SDK1: variants seen among roughly 807,000 people sequenced by gnomAD.
SDK1 encodes the protein protein sidekick-1.
In SDK1, 157 loss-of-function variants were observed where a neutral mutation model predicts 245.5. The ratio of observed to expected loss-of-function variants is 0.64; its 90% CI spans 0.56 to 0.73. The LOEUF is 0.73. Among genes scored for constraint, SDK1 ranks in the 30% least tolerant of loss-of-function variants. The probability of loss-of-function intolerance (pLI) is 0.00; values close to 1 mark genes in which losing one functional copy is unlikely to be tolerated. For missense variants in SDK1, 3,583 were observed against 3,002.3 expected (o/e 1.19, Z -4.52); for synonymous variants, 1,647 against 1,278.5 (o/e 1.29, Z -6.15).
At chr7:3,586,620 G>T (rs1002401944) in intron 1 of SDK1, among the ~76,000 whole-genome samples, 1 of 151,350 alleles carries the variant, frequency 6.6e-6, no homozygotes, top group African/African-American at 2.4e-5. Flanking sequence ...CAGGAGAATG[G>T]CATGAACCCG....
intron 4 of SDK1, among the ~76,000 whole-genome samples, chr7:3,644,727 G>C: frequency 7.3e-6 from 1 of 136,604 alleles, no homozygotes; most frequent in Admixed American, 8.4e-5. Context: ...GAGCTACGAT[G>C]GTGCCACTGT....
intron 5 of SDK1, among the ~76,000 whole-genome samples, chr7:3,886,254 G>C (rs1361523795): frequency 6.6e-6 from 1 of 152,166 alleles, no homozygotes; most frequent in Non-Finnish European, 1.5e-5. Flanking sequence ...TGGAACATCT[G>C]GTCATTGTGG....
chr7:3,541,980 A>T (rs908915323), intron 1 of SDK1, among the ~76,000 whole-genome samples: 3 of 152,246 alleles, frequency 2.0e-5, no homozygotes, highest in Non-Finnish European at 4.4e-5. Context: ...GGTGCAGCAC[A>T]TCAACATGGC....
At chr7:3,581,844 C>T (rs1225389695) in intron 1 of SDK1, among the ~76,000 whole-genome samples, 1 of 152,216 alleles carries the variant, frequency 6.6e-6, no homozygotes, top group Non-Finnish European at 1.5e-5. Flanking sequence ...GTGTCCTTTG[C>T]AGGGACATGG....
At chr7:3,461,954 A>G (rs1780843548) in intron 1 of SDK1, among the ~76,000 whole-genome samples, 2 of 152,128 alleles carry the variant, frequency 1.3e-5, no homozygotes, top group Admixed American at 6.5e-5. Flanking sequence ...GCATTTAAGC[A>G]TGTTCAAGAC....
At chr7:3,875,986 C>A (rs996343872) in intron 5 of SDK1, among the ~76,000 whole-genome samples, 1 of 152,312 alleles carries the variant, frequency 6.6e-6, no homozygotes, top group South Asian at 2.1e-4. Flanking sequence ...CACTGTTTCT[C>A]ACACAATGTG....
At chr7:3,419,427 G>A (rs1302944768) in intron 1 of SDK1, among the ~76,000 whole-genome samples, 1 of 152,094 alleles carries the variant, frequency 6.6e-6, no homozygotes, top group Non-Finnish European at 1.5e-5. Flanking sequence ...TAGAGCACCT[G>A]CTCCCCCTTC....
At chr7:4,034,235 A>G (rs1453758524) in intron 17 of SDK1, among the ~76,000 whole-genome samples, 1 of 152,230 alleles carries the variant, frequency 6.6e-6, no homozygotes, top group African/African-American at 2.4e-5. Flanking sequence ...ACTACTCCAG[A>G]TTGAAGAAGA....
intron 25 of SDK1, among the ~76,000 whole-genome samples, chr7:4,115,585 C>G (rs954726171): frequency 6.6e-6 from 1 of 152,220 alleles, no homozygotes; most frequent in Non-Finnish European, 1.5e-5. Context: ...CTGGAGACAG[C>G]TCCTGAGCCC....
intron 16 of SDK1, among the ~76,000 whole-genome samples, chr7:4,014,335 T>C (rs529021559): frequency 1.4e-3 from 216 of 152,348 alleles, no homozygotes; most frequent in African/African-American, 4.9e-3. Flanking sequence ...TCAGTAGAGT[T>C]GGGTGCTGGA....
chr7:3,483,673 C>A (rs545856665), intron 1 of SDK1, among the ~76,000 whole-genome samples: 1 of 152,040 alleles, frequency 6.6e-6, no homozygotes, highest in Admixed American at 6.5e-5. Flanking sequence ...AATATTTTCT[C>A]TAAATTTTTG....
chr7:3,749,534 C>G (rs970019739), intron 4 of SDK1, among the ~76,000 whole-genome samples: 1 of 152,090 alleles, frequency 6.6e-6, no homozygotes, highest in Non-Finnish European at 1.5e-5. Context: ...CTCCTGACCT[C>G]GTGATCCGCC....
At chr7:3,757,657 A>G (rs1375796678) in intron 4 of SDK1, among the ~76,000 whole-genome samples, 1 of 152,190 alleles carries the variant, frequency 6.6e-6, no homozygotes, top group Non-Finnish European at 1.5e-5. Flanking sequence ...AGCTCTCTCC[A>G]GGCGCAAGGT....
chr7:3,728,067 C>G (rs992106299), intron 4 of SDK1, among the ~76,000 whole-genome samples: 3 of 152,118 alleles, frequency 2.0e-5, no homozygotes, highest in African/African-American at 4.8e-5. Flanking sequence ...TGATGTTTTT[C>G]TCATGGTTAG....
intron 22 of SDK1, among the ~76,000 whole-genome samples, chr7:4,105,012 G>T (rs145893566): frequency 2.4e-4 from 36 of 151,932 alleles, no homozygotes; most frequent in Non-Finnish European, 4.7e-4. Flanking sequence ...AGATGAAGTC[G>T]CACTCTGTCA....
intron 1 of SDK1, among the ~76,000 whole-genome samples, chr7:3,559,134 A>C (rs1355077096): frequency 6.6e-6 from 1 of 152,250 alleles, no homozygotes; most frequent in African/African-American, 2.4e-5. Flanking sequence ...TGTAAGTCAG[A>C]TGCTGAACTT....
At chr7:4,069,305 T>C (rs1780095376) in intron 20 of SDK1, among the ~76,000 whole-genome samples, 1 of 152,098 alleles carries the variant, frequency 6.6e-6, no homozygotes, top group African/African-American at 2.4e-5. Flanking sequence ...AGACATCTGT[T>C]TTTTTTCTAA....
chr7:3,938,645 C>CAAAAAAAAAAAAAAAAAAAA lies in SDK1; in HGVS notation c.848-12263_848-12262insAAAAAAAAAAAAAAAAAAAA, dbSNP rs559065786. ...TGGGCGACAGAGTGAGACTCCGTCT[C>CAAAAAAAAAAAAAAAAAAAA]AAAAAAAAAAAAAAAGAGATCCTCA... On this transcript the variant is annotated intron_variant, in intron 5 of 44. Coordinates refer to ENST00000404826, the MANE Select transcript of SDK1 (RefSeq NM_152744.4). 7.4e-4 allele frequency among the ~76,000 whole-genome samples: 67 copies of CAAAAAAAAAAAAAAAAAAAA among 90,452 alleles called. 1 individual carries two copies. The highest frequency in any genetic ancestry group is 3.3e-3 in the African/African-American group (62 of 18,508). The allele number at this position is 90,452 out of a possible 152,430, so 59.3% of individuals were successfully genotyped here.
intron 5 of SDK1, among the ~76,000 whole-genome samples, chr7:3,921,448 C>T (rs1402613343): frequency 6.6e-6 from 1 of 152,218 alleles, no homozygotes; most frequent in Non-Finnish European, 1.5e-5. Flanking sequence ...TATATGCAAA[C>T]ATCAACATTA....
Sources: gnomAD v4.1 joint callset for allele counts (sites outside exome capture counted in the v4.1 genomes callset) on GRCh38, gnomAD v4.1.1 for gene constraint, MANE v1.5 for transcripts, NCBI Gene and HGNC (gene_info 2026-07-23, HGNC 2026-07-21) for gene names.